MTMR12: variants seen among roughly 807,000 people sequenced by gnomAD.
MTMR12 encodes myotubularin-related protein 12.
In MTMR12, 33 loss-of-function variants were observed where a neutral mutation model predicts 96.7. The observed-to-expected ratio is 0.34, with a 90% CI of 0.26 to 0.46. The LOEUF (loss-of-function observed/expected upper bound fraction) is 0.46. Ranked by LOEUF, MTMR12 falls within the 20% of genes least tolerant of loss-of-function variation. The pLI is 1.00. For missense variants in MTMR12, 721 were observed against 896.1 expected, an observed-to-expected ratio of 0.80 and a Z score of 2.49; for synonymous variants, 298 against 327.2, an observed-to-expected ratio of 0.91 and a Z score of 0.96.
chr5:32,259,538 G>A (rs1254403579), intron 7 of MTMR12, among the ~76,000 whole-genome samples: 7 of 152,200 alleles, frequency 4.6e-5, no homozygotes, highest in South Asian at 2.1e-4. Flanking sequence ...GCCAGCCACC[G>A]TGTTACACTG....
chr5:32,252,187 C>A (rs1045425916), intron 8 of MTMR12, among the ~76,000 whole-genome samples: 36 of 152,244 alleles, frequency 2.4e-4, no homozygotes, highest in African/African-American at 8.7e-4. Context: ...ATAAACTGAC[C>A]AATTATACAG....
chr5:32,311,786 C>T (rs964156376), intron 1 of MTMR12, among the ~76,000 whole-genome samples: 1 of 152,220 alleles, frequency 6.6e-6, no homozygotes, highest in Non-Finnish European at 1.5e-5. Context: ...GACACACTCC[C>T]ACCTCACGAC....
At position 32,235,015 on chromosome 5, in the gene MTMR12, G is replaced by T. The variant is rs1748157680; in HGVS notation, c.1459C>A (p.Pro487Thr). 9.3e-6 allele frequency: 15 copies of T among 1,613,876 alleles called. No individual in the cohort carries two copies. The highest frequency in any genetic ancestry group is 1.3e-5 in the Non-Finnish European group (15 of 1,179,762). The change falls in exon 14 of 16, where the codon CCT becomes ACT. Residue 487 changes from proline (P) to threonine (T), a missense_variant. By Grantham distance (38) the Pro-to-Thr change is conservative. Coordinates refer to ENST00000382142, the MANE Select transcript of MTMR12 (RefSeq NM_001040446.3). ...TTGAAGAAGAAGGTGCTAAAAATAGGTATATACAGGCTATCTGACAAAACA... is the reference window on the plus strand; with the variant it reads ...TTGAAGAAGAAGGTGCTAAAAATAGTTATATACAGGCTATCTGACAAAACA... ...LTVLSDSLYIPIFSTFFFNSP... is the reference protein window; with the variant it reads ...LTVLSDSLYITIFSTFFFNSP...
Position 32,255,689 on chromosome 5 carries a change from T to C in MTMR12, c.789+4A>G. On this transcript the variant is annotated splice_donor_region_variant and intron_variant, in intron 8 of 15. Coordinates refer to ENST00000382142, the MANE Select transcript of MTMR12 (RefSeq NM_001040446.3). ...CACCTTTCAGGGTTCCCAGATGCAC[T>C]TACTGGTATGCCATGACCCTGAAAG... 9 of 1,608,402 alleles carry C rather than the reference T, an allele frequency of 5.6e-6. No homozygotes were observed. Among genetic ancestry groups the C allele is most frequent in the Non-Finnish European group, 7.6e-6 (9 of 1,177,288 alleles).
intron 1 of MTMR12, among the ~76,000 whole-genome samples, chr5:32,277,509 G>C (rs1561787408): frequency 6.6e-6 from 1 of 152,096 alleles, no homozygotes; most frequent in Non-Finnish European, 1.5e-5. Flanking sequence ...AACCAGCCTG[G>C]CCAACATGGC....
Position 32,274,035 on chromosome 5 carries a change from C to T in MTMR12, c.230G>A (p.Cys77Tyr). Reference protein sequence around the residue: ...CQHGVYGRLVCTDFKIAFLGD... With the variant: ...CQHGVYGRLVYTDFKIAFLGD... ...CAAGAAGGCAATCTTGAAGTCTGTGCAGACAAGCCTCCCATAGACCCCATG... is the reference window on the plus strand; with the variant it reads ...CAAGAAGGCAATCTTGAAGTCTGTGTAGACAAGCCTCCCATAGACCCCATG... Residue 77 changes from cysteine (C) to tyrosine (Y), a missense_variant, in exon 3 of 16, where the codon TGC becomes TAC. Physicochemically the swap from Cys to Tyr is radical, Grantham distance 194. Transcript: ENST00000382142. 1 of 1,614,198 alleles carries T rather than the reference C, an allele frequency of 6.2e-7. No individual in the cohort carries two copies. Among genetic ancestry groups the T allele is most frequent in the Non-Finnish European group, 8.5e-7 (1 of 1,180,036 alleles).
At chr5:32,265,531 T>C (rs898148165) in intron 6 of MTMR12, among the ~76,000 whole-genome samples, 1 of 152,244 alleles carries the variant, frequency 6.6e-6, no homozygotes, top group Non-Finnish European at 1.5e-5. Context: ...ATACAAATTA[T>C]AGCAATCAAC....
At chr5:32,239,204 G>C in intron 12 of MTMR12, 31 bp from the exon 13 acceptor site, 1 of 1,508,208 alleles carries the variant, frequency 6.6e-7, no homozygotes, top group East Asian at 2.3e-5. Flanking sequence ...AGTGCAAAGA[G>C]GAAGGAGGGC....
rs765956828 is a variant in MTMR12 at position 32,235,070 on chromosome 5, C to G, written c.1404G>C (p.Pro468=). ...CVWQLVHQHP[P]AFEFTETYLT... is the part of the protein sequence containing the mutation. ...GGTAAGTCTCTGTGAATTCAAATGCCGGGGGATGCTGGTGCACCAGCTGCC... is the reference window on the plus strand; with the variant it reads ...GGTAAGTCTCTGTGAATTCAAATGCGGGGGGATGCTGGTGCACCAGCTGCC... Residue 468 remains proline (P), a synonymous_variant, in exon 14 of 16, where the codon CCG becomes CCC. Transcript: ENST00000382142. 3 of 1,613,818 alleles carry G rather than the reference C, an allele frequency of 1.9e-6. No individual in the cohort carries two copies. The highest frequency in any genetic ancestry group is 1.3e-5 in the African/African-American group (1 of 74,870).
chr5:32,230,582 C>G (rs1185153748), intron 15 of MTMR12, among the ~76,000 whole-genome samples: 1 of 152,214 alleles, frequency 6.6e-6, no homozygotes, highest in Non-Finnish European at 1.5e-5. Context: ...CACGTGGCAG[C>G]TGTGCAGAAA....
intron 1 of MTMR12, among the ~76,000 whole-genome samples, chr5:32,294,390 C>T (rs950094450): frequency 6.6e-6 from 1 of 152,114 alleles, no homozygotes; most frequent in African/African-American, 2.4e-5. Context: ...GCAACTTCTG[C>T]CTCCCAGGTT....
Position 32,230,504 on chromosome 5 carries a change from C to T in MTMR12, c.1675-157G>A, listed in dbSNP as rs1022416997. Among the ~76,000 whole-genome samples, 8 of 152,278 alleles carry T rather than the reference C, an allele frequency of 5.3e-5. No individual in the cohort carries two copies. The South Asian group carries it at 1.7e-3, about 32-fold the overall frequency. On this transcript the variant is annotated intron_variant, in intron 15 of 15. Transcript: ENST00000382142. ...ACACTCATTAACACGCTGTGACATCCAGAGGTGGGGTATTCCTGTGTATTG... is the reference window on the plus strand; with the variant it reads ...ACACTCATTAACACGCTGTGACATCTAGAGGTGGGGTATTCCTGTGTATTG...
intron 5 of MTMR12, among the ~76,000 whole-genome samples, 181 bp downstream of exon 5, chr5:32,270,636 A>G (rs1379152902): frequency 6.6e-6 from 1 of 152,216 alleles, no homozygotes; most frequent in Middle Eastern, 3.2e-3. Context: ...CCAAGATGAT[A>G]CACACGCATG....
In MTMR12 at chr5:32,301,323, C is replaced by A. The variant is rs527807899; in HGVS notation, c.81+11435G>T. ...ATGCCAAACAACTCATCCCTGGGAT[C>A]TGAACCCCAGATTCCCTTCTTTAAC... On this transcript the variant is annotated intron_variant, in intron 1 of 15. Coordinates refer to ENST00000382142, the MANE Select transcript of MTMR12 (RefSeq NM_001040446.3). Among the ~76,000 whole-genome samples the A allele has an allele frequency of 1.3e-4, 20 of 152,328 alleles. No homozygotes were observed. The South Asian group carries it at 3.7e-3, about 28-fold the overall frequency.
Position 32,233,696 on chromosome 5 carries a change from A to G in MTMR12, c.1674+77T>C. 6.3e-7 allele frequency: 1 copy of G among 1,589,716 alleles called. No homozygotes were observed. The highest frequency in any genetic ancestry group is 1.7e-5 in the Admixed American group (1 of 59,188). ...AGGGGTAGAAAATGCTGGCAGACAG[A>G]ATCCGTAAGTACCTTTTATCATTAC... On this transcript the variant is annotated intron_variant, in intron 15 of 15. Transcript: ENST00000382142. The surrounding 1 kb of genome is among the most constrained non-coding windows in gnomAD (Gnocchi z 5.0).
In MTMR12 at chr5:32,230,145, A is replaced by C; in HGVS notation, c.1877T>G (p.Leu626Trp). The change falls in exon 16 of 16, where the codon TTG becomes TGG. Residue 626 changes from leucine to tryptophan, a missense_variant. Coordinates refer to ENST00000382142, the MANE Select transcript of MTMR12 (RefSeq NM_001040446.3). ...GGGCCCCTCGATATGCGGTAACAAC[A>C]AACCATGGTAGTCAGTGGACTTGCT... is the stretch of plus-strand genomic sequence containing the variant. ...WHSKSTDYHG[L>W]LLPHIEGPEI... The C allele has an allele frequency of 6.2e-7, 1 of 1,614,058 alleles. No individual in the cohort carries two copies. Among genetic ancestry groups the C allele is most frequent in the Non-Finnish European group, 8.5e-7 (1 of 1,179,944 alleles).
In MTMR12 at chr5:32,239,189, G is replaced by T. The variant is rs749276670; in HGVS notation, c.1172-16C>A. On this transcript the variant is annotated splice_polypyrimidine_tract_variant and intron_variant, in intron 12 of 15. Coordinates refer to ENST00000382142, the MANE Select transcript of MTMR12 (RefSeq NM_001040446.3). The stretch of plus-strand genomic sequence containing the variant: ...GCATTCTCCTCTAGGAGAGGCCCCA[G>T]CAGCAGTGCAAAGAGGAAGGAGGGC... 6.4e-7 allele frequency: 1 copy of T among 1,557,362 alleles called. No homozygotes were observed. The highest frequency in any genetic ancestry group is 2.3e-5 in the East Asian group (1 of 43,646).
Position 32,243,579 on chromosome 5 carries a change from C to G in MTMR12, c.1042G>C (p.Asp348His), listed in dbSNP as rs750538303. The G allele has an allele frequency of 6.2e-7, 1 of 1,610,388 alleles. No homozygotes were observed. The highest frequency in any genetic ancestry group is 1.1e-5 in the South Asian group (1 of 90,948). ...FLIDNSTEFW[D>H]TDIKWFSLLE... ...AGAGAAAACCATTTTATATCTGTGT[C>G]CCAAAATTCAGTACTGTTATCTGAA... Residue 348 changes from aspartate to histidine, a missense_variant, in exon 11 of 16, where the codon GAC becomes CAC. Transcript: ENST00000382142.
At chr5:32,234,406 A>G (rs1748124154) in intron 14 of MTMR12, among the ~76,000 whole-genome samples, 1 of 152,202 alleles carries the variant, frequency 6.6e-6, no homozygotes, top group African/African-American at 2.4e-5. Flanking sequence ...AATTGGGGGC[A>G]CAGTCCAGGA....
Sources: gnomAD v4.1 joint callset for allele counts (sites outside exome capture counted in the v4.1 genomes callset) on GRCh38, gnomAD v4.1.1 for gene constraint, Gnocchi (gnomAD v3.1) non-coding constraint, MANE v1.5 for transcripts, NCBI Gene and HGNC (gene_info 2026-07-23, HGNC 2026-07-21) for gene names.